The following DAPK1 variants were observed in gnomAD, a reference collection of about 807,000 sequenced individuals.
DAPK1 encodes death-associated protein kinase 1.
DAPK1 carries 56 observed loss-of-function variants against 144.9 expected under a neutral mutation model. The observed-to-expected ratio is 0.39, with a 90% CI of 0.31 to 0.48. The LOEUF (loss-of-function observed/expected upper bound fraction) is 0.48, where lower values mean the gene tolerates loss of function less well. Among genes scored for constraint, DAPK1 ranks in the 20% least tolerant of loss-of-function variants. The pLI, the probability that DAPK1 is intolerant of heterozygous loss-of-function variation, is 0.95. For synonymous variants in DAPK1, 690 were observed against 749.0 expected (o/e 0.92, Z 1.29); for missense variants, 1,454 against 1,875.4 (o/e 0.78, Z 4.15).
chr9:87,707,757 A>G lies in DAPK1; in HGVS notation c.*393A>G, dbSNP rs1420779408. On this transcript the variant is annotated 3_prime_UTR_variant, in exon 26 of 26. Coordinates refer to ENST00000408954, the MANE Select transcript of DAPK1 (RefSeq NM_004938.4). This position sits in a 1 kb window ranked among gnomAD's most constrained non-coding sequence, Gnocchi z 4.0. ...ATTGTCCTTTAAAAAAGAAAAGTGCATATTTATCCAAAATGTGTATTTCTT... is the reference window on the plus strand; with the variant it reads ...ATTGTCCTTTAAAAAAGAAAAGTGCGTATTTATCCAAAATGTGTATTTCTT... The G allele has an allele frequency of 1.6e-5, 7 of 446,410 alleles. No homozygotes were observed. The East Asian group carries it at 4.1e-4, about 26-fold the overall frequency. 27.7% of individuals were successfully genotyped at this position (446,410 alleles called of 1,614,324 possible). A position where few individuals can be genotyped will look rare whatever the true frequency, so the allele number is the denominator to read the frequency against.
chr9:87,633,304 G>T, intron 3 of DAPK1: 1 of 984,930 alleles, frequency 1.0e-6, no homozygotes, highest in South Asian at 4.7e-5. Flanking sequence ...AGGGATGAAA[G>T]GGGATGTGTA....
intron 2 of DAPK1, among the ~76,000 whole-genome samples, chr9:87,549,437 TG>T (rs1271389157): frequency 3.3e-5 from 5 of 152,134 alleles, no homozygotes; most frequent in African/African-American, 1.2e-4. Flanking sequence ...ACAATTTGTA[TG>T]GGGGGGTTAT....
At chr9:87,669,772 G>GT (rs397757683) in intron 19 of DAPK1, among the ~76,000 whole-genome samples, 1 of 151,712 alleles carries the variant, frequency 6.6e-6, no homozygotes, top group East Asian at 1.9e-4. Flanking sequence ...GCAGGGGGGG[G>GT]CCACAGATTG....
rs567632055 is a variant in DAPK1, at chr9:87,593,516, T to C, written c.63-11438T>C. The stretch of plus-strand genomic sequence containing the variant: ...GGAGAGTATCTCACAATTCGTATTT[T>C]AATCTGGGCAATTTAGTAGAGTATT... On this transcript the variant is annotated intron_variant, in intron 2 of 25. Transcript: ENST00000408954. Among the ~76,000 whole-genome samples the C allele has an allele frequency of 1.2e-4, 19 of 152,366 alleles. No homozygotes were observed. The East Asian group carries it at 3.5e-3, about 28-fold the overall frequency.
chr9:87,685,532 C>T (rs36218115), intron 20 of DAPK1, among the ~76,000 whole-genome samples: 8,870 of 152,226 alleles, frequency 0.058, 889 homozygotes, highest in African/African-American at 0.2. Flanking sequence ...ACAGAGCACT[C>T]TCTGTGGGCC....
At chr9:87,662,221 T>C (rs748247646) in intron 18 of DAPK1, among the ~76,000 whole-genome samples, 2 of 152,236 alleles carry the variant, frequency 1.3e-5, no homozygotes, top group Non-Finnish European at 2.9e-5. Context: ...TTGGTTGCTA[T>C]AGCCATCTAG....
chr9:87,587,989 T>C (rs2118865205), intron 2 of DAPK1, among the ~76,000 whole-genome samples: 1 of 152,374 alleles, frequency 6.6e-6, no homozygotes, highest in Non-Finnish European at 1.5e-5. Flanking sequence ...ATTTAATCTT[T>C]ACAACAGCCC....
chr9:87,565,690 A>G (rs1827096956), intron 2 of DAPK1, among the ~76,000 whole-genome samples: 1 of 152,202 alleles, frequency 6.6e-6, no homozygotes, highest in African/African-American at 2.4e-5. Flanking sequence ...ACCCAGACCT[A>G]CCATTTTCAA....
At chr9:87,672,984 C>T (rs1824230612) in intron 19 of DAPK1, among the ~76,000 whole-genome samples, 1 of 152,128 alleles carries the variant, frequency 6.6e-6, no homozygotes, top group Non-Finnish European at 1.5e-5. Context: ...AGAAGTCATT[C>T]ACCCTGCAGA....
chr9:87,508,892 A>G (rs1587669202), intron 2 of DAPK1, among the ~76,000 whole-genome samples: 1 of 152,222 alleles, frequency 6.6e-6, no homozygotes, highest in African/African-American at 2.4e-5. Context: ...AAAGTGGCGG[A>G]AGGATACCAT....
intron 3 of DAPK1, 89 bp downstream of exon 3, chr9:87,605,264 C>T (rs74593219): frequency 0.046 from 50,016 of 1,079,982 alleles, 1,362 homozygotes; most frequent in Non-Finnish European, 0.052. Context: ...ACAGCGAGCC[C>T]GAGAGAGGGA....
chr9:87,600,377 A>C (rs1192309882), intron 2 of DAPK1, among the ~76,000 whole-genome samples: 1 of 152,190 alleles, frequency 6.6e-6, no homozygotes. Context: ...CTTTGAGCCC[A>C]GGAGTTCTAG....
chr9:87,698,731 G>A lies in DAPK1; in HGVS notation c.2687G>A (p.Arg896Gln), dbSNP rs749179181. Residue 896 changes from arginine (R) to glutamine (Q), a missense_variant, in exon 23 of 26, where the codon CGA becomes CAA. Arg to Gln is a conservative substitution (Grantham distance 43). Coordinates refer to ENST00000408954, the MANE Select transcript of DAPK1 (RefSeq NM_004938.4). Reference sequence around the variant, plus strand: ...CACGCTGACATCATGAATGTTCCTCGACCGGCTGGAGGCGAGTTTGGATAT... The same window carrying A: ...CACGCTGACATCATGAATGTTCCTCAACCGGCTGGAGGCGAGTTTGGATAT... ...ATHADIMNVP[R>Q]PAGGEFGYDK... 7 of 1,602,532 alleles carry A rather than the reference G, an allele frequency of 4.4e-6. No individual in the cohort carries two copies. Among genetic ancestry groups the A allele is most frequent in the East Asian group, 2.2e-5 (1 of 44,826 alleles).
At chr9:87,626,418 T>TA (rs544234825) in intron 3 of DAPK1, among the ~76,000 whole-genome samples, 1 of 146,972 alleles carries the variant, frequency 6.8e-6, no homozygotes, top group Non-Finnish European at 1.5e-5. Flanking sequence ...TCTGTCTCTT[T>TA]AAAAAACAAA....
intron 2 of DAPK1, among the ~76,000 whole-genome samples, chr9:87,571,528 C>CACACACACACACACACACACACACA (rs55676810): frequency 2.9e-5 from 4 of 135,696 alleles, no homozygotes; most frequent in African/African-American, 6.3e-5. Flanking sequence ...CACACACACA[C>CACACACACACACACACACACACACA]CAGAAGCGAA....
chr9:87,630,616 A>G (rs1294952763), intron 3 of DAPK1, among the ~76,000 whole-genome samples: 2 of 152,206 alleles, frequency 1.3e-5, no homozygotes, highest in South Asian at 4.2e-4. Flanking sequence ...ATTTTGGTCC[A>G]TATTTTACTG....
chr9:87,657,105 GT>G (rs949942181), intron 17 of DAPK1, among the ~76,000 whole-genome samples: 1 of 152,060 alleles, frequency 6.6e-6, no homozygotes. Context: ...TCAGTAATTA[GT>G]TTTTTCATGG....
At chr9:87,687,626 T>C (rs532137695) in intron 21 of DAPK1, among the ~76,000 whole-genome samples, 4 of 152,356 alleles carry the variant, frequency 2.6e-5, no homozygotes, top group African/African-American at 7.2e-5. Context: ...CCCTTTGATA[T>C]ACTGATTTCC....
At chr9:87,522,332 C>G (rs1015049872) in intron 2 of DAPK1, among the ~76,000 whole-genome samples, 3 of 152,192 alleles carry the variant, frequency 2.0e-5, no homozygotes, top group Non-Finnish European at 4.4e-5. Flanking sequence ...TCTAGTGAGT[C>G]TTGAGATCAT....
Sources: allele counts gnomAD v4.1 joint callset (sites outside exome capture counted in the v4.1 genomes callset), GRCh38; gene constraint gnomAD v4.1.1; non-coding constraint Gnocchi (gnomAD v3.1); transcripts MANE v1.5; gene names NCBI Gene and HGNC (gene_info 2026-07-23, HGNC 2026-07-21).